BDP1: variants seen among roughly 807,000 people sequenced by gnomAD.
BDP1 encodes BDP1 general transcription factor IIIB subunit.
A neutral mutation model predicts 266.6 loss-of-function variants in BDP1; 169 were observed. That is an observed-to-expected ratio of 0.63 (90% CI 0.56 to 0.72). BDP1 has a LOEUF of 0.72. BDP1 is among the 30% of genes least tolerant of loss of function. The pLI is 0.00. For missense variants in BDP1, 3,015 were observed against 3,053.8 expected, an observed-to-expected ratio of 0.99 and a Z score of 0.30; for synonymous variants, 1,090 against 1,022.4, an observed-to-expected ratio of 1.07 and a Z score of -1.26.
intron 30 of BDP1, among the ~76,000 whole-genome samples, chr5:71,542,596 G>T (rs899535326): frequency 2.0e-5 from 3 of 152,064 alleles, no homozygotes; most frequent in African/African-American, 4.8e-5. Flanking sequence ...TATAGGCTGG[G>T]TGCAGTGACT....
chr5:71,525,669 G>A (rs1765807639), intron 25 of BDP1, among the ~76,000 whole-genome samples: 3 of 113,038 alleles, frequency 2.7e-5, no homozygotes, highest in African/African-American at 9.2e-5. Context: ...CGGACGGGGT[G>A]GCTGGCCGGG....
intron 7 of BDP1, among the ~76,000 whole-genome samples, chr5:71,474,906 C>T (rs979553209): frequency 1.1e-4 from 16 of 151,222 alleles, no homozygotes; most frequent in South Asian, 2.1e-4. Flanking sequence ...GGATTACAGG[C>T]GTGAGCCACC....
intron 4 of BDP1, 59 bp from the exon 5 acceptor site, chr5:71,466,037 A>T (rs1761886147): frequency 6.5e-6 from 10 of 1,550,286 alleles, no homozygotes; most frequent in African/African-American, 4.2e-5. Context: ...TTTAAGTTTT[A>T]TACTATTTAG....
Position 71,515,023 on chromosome 5 carries a change from C to T in BDP1, c.4550C>T (p.Thr1517Ile). 1 of 1,613,066 alleles carries T rather than the reference C, an allele frequency of 6.2e-7. No individual in the cohort carries two copies. Among genetic ancestry groups the T allele is most frequent in the African/African-American group, 1.3e-5 (1 of 74,928 alleles). ...RNEEAVILPC[T>I]QTERNLSPSN... ...GAGGAGGCTGTGATATTGCCATGTA[C>T]ACAGACTGAAAGGAACCTTTCACCT... The change falls in exon 20 of 39, where the codon ACA becomes ATA. Residue 1517 changes from threonine (T) to isoleucine (I), a missense_variant. This residue lies in a region of BDP1 where 2,383 missense variants were observed against 2,404.9 expected (regional missense o/e 0.99). Coordinates refer to ENST00000358731, the MANE Select transcript of BDP1 (RefSeq NM_018429.3).
In BDP1 at chr5:71,553,162, T is replaced by C. The variant is rs766855104; in HGVS notation, c.7042T>C (p.Ser2348Pro). 1.7e-5 allele frequency: 28 copies of C among 1,613,102 alleles called. No homozygotes were observed. The highest frequency in any genetic ancestry group is 4.0e-5 in the African/African-American group (3 of 74,904). ...TSVGQDAMGL[S>P]ISGRDNSKKP... Reference sequence around the variant, plus strand: ...AGTTGGTCAAGATGCCATGGGTTTATCTATTTCTGGAAGAGATAATTCTAA... The same window carrying C: ...AGTTGGTCAAGATGCCATGGGTTTACCTATTTCTGGAAGAGATAATTCTAA... The change falls in exon 35 of 39, where the codon TCT (serine) becomes CCT (proline). Residue 2348 changes from serine (S) to proline (P), a missense_variant. By Grantham distance (74) the Ser-to-Pro change is moderately conservative. Around this residue, in one of 3 missense-constraint regions of BDP1, gnomAD observed 629 missense variants for 632.5 expected, o/e 0.99. Transcript: ENST00000358731.
intron 13 of BDP1, among the ~76,000 whole-genome samples, chr5:71,501,343 T>G (rs1764218566): frequency 1.3e-5 from 2 of 152,110 alleles, no homozygotes. Context: ...GCCTGGCTAA[T>G]TTTTTGTATT....
intron 16 of BDP1, among the ~76,000 whole-genome samples, 166 bp from the exon 17 acceptor site, chr5:71,509,298 AT>A (rs543915117): frequency 1.3e-5 from 2 of 151,550 alleles, no homozygotes; most frequent in Admixed American, 6.6e-5. Flanking sequence ...AAAAGGTGGG[AT>A]TTTTTTTCTT....
intron 10 of BDP1, among the ~76,000 whole-genome samples, chr5:71,490,600 G>A (rs1323096847): frequency 6.6e-6 from 1 of 152,084 alleles, no homozygotes; most frequent in East Asian, 1.9e-4. Flanking sequence ...TGCATCTGAT[G>A]GACTTAAGGG....
chr5:71,540,168 A>G (rs1766878845), intron 28 of BDP1, among the ~76,000 whole-genome samples: 1 of 152,232 alleles, frequency 6.6e-6, no homozygotes, highest in Non-Finnish European at 1.5e-5. Context: ...TTAGATGGAA[A>G]TCACAGACAA....
chr5:71,466,593 T>C (rs1264331257), intron 5 of BDP1, among the ~76,000 whole-genome samples: 1 of 152,166 alleles, frequency 6.6e-6, no homozygotes, highest in Non-Finnish European at 1.5e-5. Context: ...CATATCCTGG[T>C]GTGTGGTGAT....
intron 8 of BDP1, among the ~76,000 whole-genome samples, chr5:71,485,193 C>G (rs541964938): frequency 2.4e-4 from 37 of 152,152 alleles, no homozygotes; most frequent in Non-Finnish European, 4.1e-4. Context: ...TGCCTATAGG[C>G]CCAGCTACTC....
At chr5:71,481,268 G>C (rs1048150266) in intron 7 of BDP1, among the ~76,000 whole-genome samples, 2 of 150,730 alleles carry the variant, frequency 1.3e-5, no homozygotes, top group Non-Finnish European at 3.0e-5. Flanking sequence ...AAAGCGCAGT[G>C]GGCCAGGCGC....
chr5:71,537,149 C>CAAAAAAAAAAAAAAAAAAA (rs70992979), intron 26 of BDP1, among the ~76,000 whole-genome samples: 17 of 82,424 alleles, frequency 2.1e-4, no homozygotes, highest in East Asian at 4.2e-4. Flanking sequence ...ACCAAAAAAC[C>CAAAAAAAAAAAAAAAAAAA]AAAAAAAAAA....
At chr5:71,513,148 A>G (rs1450355420) in intron 18 of BDP1, 37 bp from the exon 19 acceptor site, 2 of 1,481,332 alleles carry the variant, frequency 1.4e-6, no homozygotes, top group South Asian at 1.2e-5. Context: ...CTGCCCCTTC[A>G]GTTCATTCTA....
chr5:71,470,749 G>A (rs1414402116), intron 7 of BDP1, among the ~76,000 whole-genome samples: 1 of 151,590 alleles, frequency 6.6e-6, no homozygotes. Context: ...CACCACGCCC[G>A]GCTGATTTTT....
chr5:71,463,844 A>G (rs891415674), intron 3 of BDP1, among the ~76,000 whole-genome samples: 10 of 151,926 alleles, frequency 6.6e-5, no homozygotes, highest in South Asian at 6.2e-4. Context: ...AAAAAAAAAA[A>G]AAGTATTCTT....
chr5:71,484,496 A>G (rs1411358495), intron 8 of BDP1, among the ~76,000 whole-genome samples: 1 of 152,100 alleles, frequency 6.6e-6, no homozygotes, highest in Non-Finnish European at 1.5e-5. Flanking sequence ...CCTAATGATC[A>G]TTGGATCATT....
chr5:71,504,172 C>T (rs1458682895), intron 15 of BDP1, among the ~76,000 whole-genome samples: 1 of 150,944 alleles, frequency 6.6e-6, no homozygotes, highest in East Asian at 2.0e-4. Context: ...ACTCGGGAGG[C>T]TGAGGCAGGA....
chr5:71,491,444 A>G (rs1763588174), intron 11 of BDP1, among the ~76,000 whole-genome samples: 1 of 150,330 alleles, frequency 6.7e-6, no homozygotes, highest in South Asian at 2.1e-4. Context: ...GATTTTCTCT[A>G]TTTTTGGTTT....
Sources: gnomAD v4.1 joint callset for allele counts (sites outside exome capture counted in the v4.1 genomes callset) on GRCh38, gnomAD v4.1.1 for gene constraint, gnomAD v4.1.1 regional missense constraint, MANE v1.5 for transcripts, NCBI Gene and HGNC (gene_info 2026-07-23, HGNC 2026-07-21) for gene names.